Variants in LRRC7 observed in about 807,000 individuals in gnomAD.
LRRC7 encodes the protein leucine-rich repeat-containing protein 7.
In LRRC7, 23 loss-of-function variants were observed where a neutral mutation model predicts 175.7. The ratio of observed to expected loss-of-function variants is 0.13; its 90% CI spans 0.09 to 0.19. LRRC7 has a LOEUF of 0.19. Among genes scored for constraint, LRRC7 ranks in the 10% least tolerant of loss-of-function variants. The pLI is 1.00. For missense variants in LRRC7, 1,354 were observed against 1,904.7 expected (o/e 0.71, Z 5.38); for synonymous variants, 685 against 680.9 (o/e 1.01, Z -0.09).
intron 7 of LRRC7, among the ~76,000 whole-genome samples, chr1:69,862,860 G>C (rs1254307543): frequency 6.6e-6 from 1 of 151,432 alleles, no homozygotes; most frequent in Non-Finnish European, 1.5e-5. Flanking sequence ...TGTGTGTGAT[G>C]TTACCCTCCC....
intron 4 of LRRC7, among the ~76,000 whole-genome samples, chr1:69,812,601 A>C (rs1169776934): frequency 6.6e-6 from 1 of 152,134 alleles, no homozygotes; most frequent in African/African-American, 2.4e-5. Context: ...AGATATTGAA[A>C]TCTTATAAAC....
chr1:69,568,721 G>A, intron 1 of LRRC7, 80 bp downstream of exon 1: 1 of 1,009,778 alleles, frequency 9.9e-7, no homozygotes, highest in Non-Finnish European at 1.3e-6. Context: ...CGAGGTGTGG[G>A]ACCCCAGAGG....
intron 26 of LRRC7, among the ~76,000 whole-genome samples, chr1:70,118,744 A>G (rs1666025143): frequency 6.6e-6 from 1 of 152,174 alleles, no homozygotes; most frequent in Admixed American, 6.5e-5. Flanking sequence ...ATAAAATGAC[A>G]GGATTAGACT....
At chr1:69,604,233 T>G (rs1004852328) in intron 1 of LRRC7, among the ~76,000 whole-genome samples, 2 of 152,104 alleles carry the variant, frequency 1.3e-5, no homozygotes, top group African/African-American at 4.8e-5. Flanking sequence ...AATTGTATAG[T>G]TTGCTAATTT....
intron 1 of LRRC7, among the ~76,000 whole-genome samples, chr1:69,617,525 G>A (rs1180296491): frequency 9.2e-6 from 1 of 108,756 alleles, no homozygotes; most frequent in African/African-American, 3.3e-5. Context: ...TTTGTGAGCT[G>A]AAGGTTGTTA....
intron 8 of LRRC7, among the ~76,000 whole-genome samples, chr1:69,964,833 A>G (rs528904439): frequency 2.0e-5 from 3 of 152,332 alleles, no homozygotes; most frequent in South Asian, 2.1e-4. Flanking sequence ...TGACACCTAC[A>G]TAGTCCATTC....
At chr1:69,790,898 A>G (rs1675028831) in intron 3 of LRRC7, among the ~76,000 whole-genome samples, 1 of 152,026 alleles carries the variant, frequency 6.6e-6, no homozygotes, top group Non-Finnish European at 1.5e-5. Flanking sequence ...CCAAAGTAAG[A>G]AACTGCATAT....
intron 2 of LRRC7, 41 bp downstream of exon 2, chr1:69,678,519 T>A: frequency 1.4e-6 from 2 of 1,435,096 alleles, no homozygotes; most frequent in Non-Finnish European, 1.9e-6. Flanking sequence ...CTAGATAGAT[T>A]TTGGTGAGTA....
At chr1:69,917,065 T>G (rs1646742056) in intron 7 of LRRC7, among the ~76,000 whole-genome samples, 1 of 152,198 alleles carries the variant, frequency 6.6e-6, no homozygotes, top group Non-Finnish European at 1.5e-5. Context: ...TTCAACAATT[T>G]TACATGTATA....
intron 4 of LRRC7, among the ~76,000 whole-genome samples, chr1:69,818,856 G>C (rs957168030): frequency 6.6e-6 from 1 of 151,934 alleles, no homozygotes; most frequent in Non-Finnish European, 1.5e-5. Context: ...ATTTCTTCTA[G>C]ATTATTCAGT....
intron 4 of LRRC7, among the ~76,000 whole-genome samples, chr1:69,805,382 T>C (rs1322695519): frequency 6.6e-6 from 1 of 151,798 alleles, no homozygotes; most frequent in African/African-American, 2.4e-5. Context: ...CATTATAAAT[T>C]CATAAAGGGG....
chr1:70,063,224 T>C (rs1399522588), intron 23 of LRRC7, among the ~76,000 whole-genome samples: 1 of 152,096 alleles, frequency 6.6e-6, no homozygotes, highest in Non-Finnish European at 1.5e-5. Flanking sequence ...GATTAAGCAA[T>C]AGGAAAACGG....
intron 2 of LRRC7, among the ~76,000 whole-genome samples, chr1:69,689,030 A>C (rs1049438013): frequency 2.0e-5 from 3 of 152,234 alleles, no homozygotes; most frequent in African/African-American, 7.2e-5. Flanking sequence ...CTAATGTCAC[A>C]GTGACTTCCA....
At chr1:69,626,786 A>G (rs1426777311) in intron 1 of LRRC7, among the ~76,000 whole-genome samples, 1 of 136,532 alleles carries the variant, frequency 7.3e-6, no homozygotes, top group Non-Finnish European at 1.5e-5. Context: ...AAGTGTTCTC[A>G]TTGTTCAATT....
chr1:69,718,167 A>AGAAG (rs1491013552), intron 2 of LRRC7, among the ~76,000 whole-genome samples: 1 of 150,888 alleles, frequency 6.6e-6, no homozygotes, highest in Non-Finnish European at 1.5e-5. Flanking sequence ...AAAGAAAGAA[A>AGAAG]GAAAGAAGAA....
At chr1:69,869,129 G>A (rs1415317129) in intron 7 of LRRC7, among the ~76,000 whole-genome samples, 2 of 151,944 alleles carry the variant, frequency 1.3e-5, no homozygotes, top group Admixed American at 1.3e-4. Flanking sequence ...GGAGTGATGT[G>A]GTTAAATTTC....
At chr1:69,817,740 A>G (rs1570114493) in intron 4 of LRRC7, among the ~76,000 whole-genome samples, 1 of 152,256 alleles carries the variant, frequency 6.6e-6, no homozygotes, top group East Asian at 1.9e-4. Context: ...TTTAAACAAC[A>G]TTAATTGTTT....
At chr1:70,081,382 G>A (rs1663198933) in intron 24 of LRRC7, among the ~76,000 whole-genome samples, 2 of 152,204 alleles carry the variant, frequency 1.3e-5, no homozygotes, top group Admixed American at 6.5e-5. Flanking sequence ...GCAGAAATAA[G>A]AAGGAAAAAC....
intron 7 of LRRC7, among the ~76,000 whole-genome samples, chr1:69,911,206 G>A (rs1210884319): frequency 6.6e-6 from 1 of 152,186 alleles, no homozygotes; most frequent in Non-Finnish European, 1.5e-5. Flanking sequence ...TGCACCCACT[G>A]TCCTGTGCCC....
Sources: gnomAD v4.1 joint callset for allele counts (sites outside exome capture counted in the v4.1 genomes callset) on GRCh38, gnomAD v4.1.1 for gene constraint, MANE v1.5 for transcripts, NCBI Gene and HGNC (gene_info 2026-07-23, HGNC 2026-07-21) for gene names.